The following DPP6 variants were observed in gnomAD, a reference collection of about 807,000 sequenced individuals.
The protein encoded by DPP6 is dipeptidyl peptidase like 6, also known as A-type potassium channel modulatory protein DPP6.
A neutral mutation model predicts 122.6 loss-of-function variants in DPP6; 69 were observed. The observed-to-expected ratio is 0.56, with a 90% CI of 0.46 to 0.69. DPP6 has a LOEUF of 0.69. DPP6 is among the 30% of genes least tolerant of loss of function. The pLI, the probability that DPP6 is intolerant of heterozygous loss-of-function variation, is 0.00. For synonymous variants in DPP6, 418 were observed against 433.1 expected (o/e 0.97, Z 0.43); for missense variants, 928 against 1,116.9 (o/e 0.83, Z 2.41).
chr7:154,854,392 A>G (rs1270990553), intron 17 of DPP6, among the ~76,000 whole-genome samples: 1 of 152,212 alleles, frequency 6.6e-6, no homozygotes, highest in East Asian at 1.9e-4. Flanking sequence ...GTTTATAGCC[A>G]GTGACCAGAG....
chr7:154,595,520 T>C (rs1833043130), intron 5 of DPP6, among the ~76,000 whole-genome samples: 1 of 152,254 alleles, frequency 6.6e-6, no homozygotes, highest in Non-Finnish European at 1.5e-5. Context: ...TTCACACTGA[T>C]GCTGGCTCCA....
At chr7:154,139,841 C>G (rs931067917) in intron 1 of DPP6, among the ~76,000 whole-genome samples, 4 of 152,162 alleles carry the variant, frequency 2.6e-5, no homozygotes, top group Non-Finnish European at 5.9e-5. Context: ...TTCTTTCTTC[C>G]CTCCAGCAAC....
intron 3 of DPP6, among the ~76,000 whole-genome samples, chr7:154,492,075 TG>T (rs1334966783): frequency 5.3e-4 from 80 of 152,336 alleles, no homozygotes; most frequent in Non-Finnish European, 4.6e-4. Flanking sequence ...ATAAAAGTGC[TG>T]CTAGGTGCCT....
intron 1 of DPP6, among the ~76,000 whole-genome samples, chr7:154,181,973 C>T (rs866492635): frequency 2.9e-4 from 44 of 151,926 alleles, no homozygotes; most frequent in African/African-American, 1.0e-3. Flanking sequence ...AGGCTGGTCT[C>T]GAACTCCTGA....
chr7:154,326,055 G>A (rs746589454), intron 1 of DPP6, among the ~76,000 whole-genome samples: 5 of 152,198 alleles, frequency 3.3e-5, no homozygotes, highest in African/African-American at 4.8e-5. Context: ...TCTCAGATAT[G>A]TATGACCTTA....
At chr7:153,957,750 C>G (rs1213256586) in intron 1 of DPP6, among the ~76,000 whole-genome samples, 1 of 152,210 alleles carries the variant, frequency 6.6e-6, no homozygotes, top group African/African-American at 2.4e-5. Context: ...CATTAACGCT[C>G]TCTTTCCTCT....
At chr7:154,089,885 A>T (rs2533644) in intron 1 of DPP6, among the ~76,000 whole-genome samples, 2 of 152,250 alleles carry the variant, frequency 1.3e-5, no homozygotes, top group Non-Finnish European at 2.9e-5. Flanking sequence ...GGTGAGAATC[A>T]CCGTTCTTGG....
rs373661167 is a variant in DPP6 at position 154,305,485 on chromosome 7, T to C, written c.244-140729T>C. 8.1e-6 allele frequency: 13 copies of C among 1,598,714 alleles called. No homozygotes were observed. The African/African-American group carries it at 1.3e-4, about 16-fold the overall frequency. On this transcript the variant is annotated intron_variant, in intron 1 of 25. Transcript: ENST00000377770. ...ACCTGCCCCGGTGGTGGGAAGCGCC[T>C]GGACAGACCATGACCACAGCCAAGG...
intron 1 of DPP6, among the ~76,000 whole-genome samples, chr7:154,233,530 C>A (rs1456504613): frequency 6.6e-6 from 1 of 152,162 alleles, no homozygotes; most frequent in African/African-American, 2.4e-5. Flanking sequence ...TCTAATATGA[C>A]TGGTGTCCTT....
intron 22 of DPP6, among the ~76,000 whole-genome samples, 186 bp downstream of exon 22, chr7:154,885,930 A>G (rs1369960181): frequency 6.6e-6 from 1 of 152,216 alleles, no homozygotes; most frequent in Admixed American, 6.5e-5. Context: ...CTCAGGTAAT[A>G]TGTTTTGAAT....
chr7:153,914,543 A>G (rs553109366), intron 1 of DPP6, among the ~76,000 whole-genome samples: 3 of 152,314 alleles, frequency 2.0e-5, no homozygotes, highest in South Asian at 4.1e-4. Context: ...TATTGTTTGC[A>G]TAGCATATTT....
intron 16 of DPP6, among the ~76,000 whole-genome samples, chr7:154,847,926 C>A (rs2150566711): frequency 6.6e-6 from 1 of 152,322 alleles, no homozygotes; most frequent in East Asian, 1.9e-4. Flanking sequence ...TGTGACATTT[C>A]TCTTCCTATG....
At chr7:154,013,485 G>T in intron 1 of DPP6, among the ~76,000 whole-genome samples, 1 of 141,746 alleles carries the variant, frequency 7.1e-6, no homozygotes, top group African/African-American at 2.6e-5. Flanking sequence ...AACAAATTCA[G>T]GTCTTTGTTC....
At chr7:153,766,269 C>A in the DPP6 span, among the ~76,000 whole-genome samples, 1 of 152,266 alleles carries the variant, frequency 6.6e-6, no homozygotes, top group African/African-American at 2.4e-5. Context: ...ATGAGGTTCC[C>A]GTTGTCAGCT....
At chr7:154,316,699 A>G (rs906358802) in intron 1 of DPP6, among the ~76,000 whole-genome samples, 2 of 152,194 alleles carry the variant, frequency 1.3e-5, no homozygotes, top group Non-Finnish European at 1.5e-5. Context: ...GGAAGTTTGT[A>G]GAACTTTTTA....
intron 1 of DPP6, chr7:154,058,566 G>T (rs544570672): frequency 2.0e-5 from 3 of 149,630 alleles, no homozygotes; most frequent in East Asian, 4.1e-4. Context: ...GCAGAGGGGG[G>T]ACGCACCCCC....
intron 8 of DPP6, among the ~76,000 whole-genome samples, chr7:154,729,382 C>T (rs1437124361): frequency 2.0e-5 from 3 of 151,714 alleles, no homozygotes; most frequent in Admixed American, 6.6e-5. Flanking sequence ...AATTATAAAG[C>T]AGATGGATAT....
At chr7:154,635,569 T>A in intron 5 of DPP6, among the ~76,000 whole-genome samples, 1 of 152,242 alleles carries the variant, frequency 6.6e-6, no homozygotes, top group Non-Finnish European at 1.5e-5. Context: ...TATTGCTGTA[T>A]AAGAAATTAC....
At chr7:154,334,493 C>T (rs191202214) in intron 1 of DPP6, among the ~76,000 whole-genome samples, 17 of 152,300 alleles carry the variant, frequency 1.1e-4, no homozygotes, top group African/African-American at 3.6e-4. Context: ...GCACTGGCTG[C>T]GTGGAAAAGC....
Sources: allele counts gnomAD v4.1 joint callset (sites outside exome capture counted in the v4.1 genomes callset), GRCh38; gene constraint gnomAD v4.1.1; transcripts MANE v1.5; gene names NCBI Gene and HGNC (gene_info 2026-07-23, HGNC 2026-07-21).